Variants in ZNF280C observed in about 807,000 individuals in gnomAD.
The protein encoded by ZNF280C is zinc finger protein 280C, also known as suppressor of hairy wing homolog 3.
In ZNF280C, 14 loss-of-function variants were observed where a neutral mutation model predicts 53.6. The ratio of observed to expected loss-of-function variants is 0.26; its 90% CI spans 0.17 to 0.41. The LOEUF (loss-of-function observed/expected upper bound fraction) is 0.41, where lower values mean the gene tolerates loss of function less well. Ranked by LOEUF, ZNF280C falls within the 10% of genes least tolerant of loss-of-function variation. The pLI, the probability that ZNF280C is intolerant of heterozygous loss-of-function variation, is 1.00. For synonymous variants in ZNF280C, 203 were observed against 181.1 expected, an observed-to-expected ratio of 1.12 and a Z score of -0.97; for missense variants, 416 against 547.1, an observed-to-expected ratio of 0.76 and a Z score of 2.39.
At chrX:130,242,696 C>G (rs752815881) in intron 5 of ZNF280C, among the ~76,000 whole-genome samples, 1 of 111,639 alleles carries the variant, frequency 9.0e-6, no homozygotes, top group East Asian at 2.8e-4. Flanking sequence ...TGCGCCAACA[C>G]GCCTGGCTAA....
chrX:130,232,454 G>A (rs2032287918), intron 8 of ZNF280C, among the ~76,000 whole-genome samples: 1 of 109,173 alleles, frequency 9.2e-6, no homozygotes, highest in Non-Finnish European at 1.9e-5. Flanking sequence ...TCTGAGAAAG[G>A]GTTAAAATCC....
chrX:130,264,063 G>T (rs867913337), intron 1 of ZNF280C, among the ~76,000 whole-genome samples: 2 of 103,447 alleles, frequency 1.9e-5, no homozygotes, highest in East Asian at 5.8e-4. Context: ...AAGAAAGAAA[G>T]AAAGAAAGAA....
chrX:130,212,603 G>A (rs971812204), intron 15 of ZNF280C, among the ~76,000 whole-genome samples: 1 of 91,287 alleles, frequency 1.1e-5, no homozygotes, highest in Non-Finnish European at 2.1e-5. Flanking sequence ...AGCTTTAGCT[G>A]TATGTAGGTG....
chrX:130,246,990 G>A lies in ZNF280C; in HGVS notation c.47C>T (p.Ala16Val). The A allele has an allele frequency of 8.3e-7, 1 of 1,198,390 alleles. No individual in the cohort carries two copies. Among genetic ancestry groups the A allele is most frequent in the Non-Finnish European group, 1.1e-6 (1 of 891,888 alleles). ...TTCTTCACATTCCATAAAGAGTTCT[G>A]CCATTTTTGAAATGTCTAATTTTCA... ...PFQPKNISKM[A>V]ELFMECEEEE... is the part of the protein sequence containing the mutation. The change falls in exon 3 of 19, where the codon GCA becomes GTA. Residue 16 changes from alanine to valine, a missense_variant. Physicochemically the swap from Ala to Val is moderately conservative, Grantham distance 64. Transcript: ENST00000370978.
intron 13 of ZNF280C, among the ~76,000 whole-genome samples, chrX:130,217,422 A>G (rs1311934581): frequency 1.8e-5 from 2 of 112,357 alleles, no homozygotes; most frequent in Non-Finnish European, 3.8e-5. Flanking sequence ...AAAGCAGACT[A>G]AAGTTTGCAC....
intron 8 of ZNF280C, among the ~76,000 whole-genome samples, chrX:130,231,117 T>C (rs1466596593): frequency 8.0e-5 from 9 of 111,814 alleles, no homozygotes; most frequent in Non-Finnish European, 1.3e-4. Context: ...CTGGTAGGAA[T>C]GTAAATTAGT....
intron 6 of ZNF280C, among the ~76,000 whole-genome samples, chrX:130,236,948 C>T (rs1339668285): frequency 1.8e-5 from 2 of 110,636 alleles, no homozygotes; most frequent in African/African-American, 6.5e-5. Flanking sequence ...AAACAGGTAT[C>T]ATGAAAAAAG....
intron 2 of ZNF280C, among the ~76,000 whole-genome samples, chrX:130,259,217 A>G (rs1472634153): frequency 8.9e-6 from 1 of 112,291 alleles, no homozygotes; most frequent in Non-Finnish European, 1.9e-5. Flanking sequence ...AGTGAAAAAC[A>G]TATTTTCTTT....
chrX:130,222,735 G>A (rs2032181723), intron 12 of ZNF280C, among the ~76,000 whole-genome samples: 1 of 111,525 alleles, frequency 9.0e-6, no homozygotes, highest in South Asian at 3.8e-4. Context: ...CACAACCTCG[G>A]CTCACTGCAA....
intron 13 of ZNF280C, among the ~76,000 whole-genome samples, chrX:130,219,203 A>T (rs1430394637): frequency 1.8e-5 from 2 of 111,592 alleles, no homozygotes; most frequent in Non-Finnish European, 1.9e-5. Flanking sequence ...AAGAAGTCAG[A>T]GGGCCAGGCG....
At chrX:130,231,802 G>A (rs978323395) in intron 8 of ZNF280C, among the ~76,000 whole-genome samples, 4 of 110,993 alleles carry the variant, frequency 3.6e-5, no homozygotes, top group Non-Finnish European at 7.6e-5. Context: ...TGAGGCAGGC[G>A]GATCACGAGG....
intron 2 of ZNF280C, among the ~76,000 whole-genome samples, chrX:130,251,333 C>T (rs1004677992): frequency 1.0e-5 from 1 of 96,256 alleles, no homozygotes; most frequent in Non-Finnish European, 2.0e-5. Context: ...ACAACATTTC[C>T]CTCTCATTCA....
At chrX:130,265,359 A>T (rs1415819537) in intron 1 of ZNF280C, among the ~76,000 whole-genome samples, 1 of 112,309 alleles carries the variant, frequency 8.9e-6, no homozygotes, top group Non-Finnish European at 1.9e-5. Flanking sequence ...CTCAGGGTAT[A>T]GACTTTATAG....
intron 15 of ZNF280C, among the ~76,000 whole-genome samples, chrX:130,213,180 C>T (rs777287836): frequency 2.7e-4 from 29 of 109,430 alleles, no homozygotes; most frequent in African/African-American, 8.7e-4. Flanking sequence ...GGTGAAACCC[C>T]GTCTCTACTA....
intron 13 of ZNF280C, among the ~76,000 whole-genome samples, chrX:130,216,727 G>A (rs1330071163): frequency 1.8e-5 from 2 of 111,902 alleles, no homozygotes; most frequent in Non-Finnish European, 3.8e-5. Flanking sequence ...GGCTGGGTGT[G>A]GTGGCTTAGG....
At chrX:130,231,964 T>C (rs762394064) in intron 8 of ZNF280C, among the ~76,000 whole-genome samples, 1 of 106,744 alleles carries the variant, frequency 9.4e-6, no homozygotes, top group South Asian at 4.3e-4. Context: ...AAGGCGGAGG[T>C]TGAAGTGAGC....
At chrX:130,261,270 C>G (rs1187652792) in intron 1 of ZNF280C, among the ~76,000 whole-genome samples, 2 of 112,208 alleles carry the variant, frequency 1.8e-5, no homozygotes. Flanking sequence ...CTTTCTAAAA[C>G]AGGAATTTGT....
chrX:130,265,242 T>C (rs1438807077), intron 1 of ZNF280C, among the ~76,000 whole-genome samples: 1 of 112,084 alleles, frequency 8.9e-6, no homozygotes, highest in Non-Finnish European at 1.9e-5. Context: ...TAAAACTCAC[T>C]AGCATAATAC....
At chrX:130,265,672 A>C (rs1420111302) in intron 1 of ZNF280C, among the ~76,000 whole-genome samples, 1 of 112,274 alleles carries the variant, frequency 8.9e-6, no homozygotes, top group Middle Eastern at 4.2e-3. Flanking sequence ...CTGGCTGCCA[A>C]ATCTGTAAGT....
Sources: gnomAD v4.1 joint callset for allele counts (sites outside exome capture counted in the v4.1 genomes callset) on GRCh38, gnomAD v4.1.1 for gene constraint, MANE v1.5 for transcripts, NCBI Gene and HGNC (gene_info 2026-07-23, HGNC 2026-07-21) for gene names.